Variants in C13orf42 observed in about 807,000 individuals in gnomAD.
C13orf42 encodes chromosome 13 open reading frame 42.
chr13:51,092,582 T>C (rs1358460273), intron 1 of C13orf42, among the ~76,000 whole-genome samples: 1 of 152,094 alleles, frequency 6.6e-6, no homozygotes, highest in Middle Eastern at 3.2e-3. Context: ...AGCAATTCTC[T>C]ATTAGTGAAT....
At chr13:51,096,303 C>T (rs1953234061) in intron 1 of C13orf42, among the ~76,000 whole-genome samples, 1 of 152,118 alleles carries the variant, frequency 6.6e-6, no homozygotes, top group South Asian at 2.1e-4. Context: ...TGGTGAGAGA[C>T]AAGAGGGCAT....
At chr13:51,139,287 C>T (rs1031670011) in intron 1 of C13orf42, among the ~76,000 whole-genome samples, 2 of 152,036 alleles carry the variant, frequency 1.3e-5, no homozygotes, top group Non-Finnish European at 2.9e-5. Context: ...TGTACTCCAG[C>T]CTGGGCAATG....
chr13:51,110,313 T>C (rs1430039386), intron 1 of C13orf42, among the ~76,000 whole-genome samples: 7 of 152,200 alleles, frequency 4.6e-5, no homozygotes, highest in Non-Finnish European at 8.8e-5. Flanking sequence ...ATCTCACCTA[T>C]AACACTGGGA....
chr13:51,097,914 G>GT (rs1191246178), intron 1 of C13orf42, among the ~76,000 whole-genome samples: 7 of 152,116 alleles, frequency 4.6e-5, no homozygotes, highest in Non-Finnish European at 1.0e-4. Flanking sequence ...AAGAGAATCT[G>GT]TATCTTATTG....
chr13:51,101,342 T>C (rs1372312911), intron 1 of C13orf42, among the ~76,000 whole-genome samples: 1 of 152,226 alleles, frequency 6.6e-6, no homozygotes, highest in Admixed American at 6.5e-5. Flanking sequence ...TTCTTCCCTA[T>C]ACTTTTCTGT....
At chr13:51,121,350 T>C (rs1235777472) in intron 1 of C13orf42, among the ~76,000 whole-genome samples, 4 of 152,014 alleles carry the variant, frequency 2.6e-5, no homozygotes, top group African/African-American at 9.7e-5. Flanking sequence ...TTGAGAAAAA[T>C]GATACCTGGG....
chr13:51,123,821 TC>T (rs1050298344), intron 1 of C13orf42, among the ~76,000 whole-genome samples: 59 of 152,204 alleles, frequency 3.9e-4, no homozygotes, highest in African/African-American at 1.4e-3. Context: ...ACTGAGCCCA[TC>T]TTGCTTCTAA....
chr13:51,143,454 A>AATAAAGGTT (rs56321669), intron 1 of C13orf42, among the ~76,000 whole-genome samples: 92,932 of 151,216 alleles, frequency 0.61, 28,831 homozygotes, highest in African/African-American at 0.7. Context: ...CCAACTCCTT[A>AATAAAGGTT]ATAAAGGTTA....
At chr13:51,151,650 G>A (rs755265683) in intron 1 of C13orf42, among the ~76,000 whole-genome samples, 6 of 152,220 alleles carry the variant, frequency 3.9e-5, no homozygotes, top group Non-Finnish European at 8.8e-5. Flanking sequence ...ACATAGTCCA[G>A]TAGGGAGAGA....
At chr13:51,162,096 CG>C in intron 1 of C13orf42, 1 of 329,838 alleles carries the variant, frequency 3.0e-6, no homozygotes, top group Admixed American at 3.3e-5. Flanking sequence ...TTTGGAAGTT[CG>C]TGTGCATAAG....
At chr13:51,170,369 T>C (rs1485745062) in intron 1 of C13orf42, among the ~76,000 whole-genome samples, 1 of 152,160 alleles carries the variant, frequency 6.6e-6, no homozygotes, top group Non-Finnish European at 1.5e-5. Context: ...CAATCCCCTG[T>C]CCTCCTGCTC....
intron 1 of C13orf42, among the ~76,000 whole-genome samples, chr13:51,127,084 T>A (rs761938571): frequency 9.2e-5 from 14 of 152,062 alleles, no homozygotes; most frequent in Admixed American, 3.9e-4. Context: ...GGAGGATTAC[T>A]TGAGCCAGGG....
Position 51,111,152 on chromosome 13 carries a change from C to A in C13orf42, c.58G>T (p.Glu20Ter). The change falls in exon 1 of 4, where the codon GAG (glutamate) becomes TAG (stop). Residue 20 changes from glutamate to a stop codon, truncating the protein, a stop_gained. Coordinates refer to ENST00000563710, the MANE Select transcript of C13orf42 (RefSeq NM_001351589.3). LOFTEE classifies it high-confidence loss of function. The stretch of plus-strand genomic sequence containing the variant: ...CTGGCTCCTTCGTAGAAGGGGCTCT[C>A]GGCCGCCGTCTTTCTCTGTGGGCTG... ...NSSPQRKTAA[E>*]SPFYEGASPA... The A allele has an allele frequency of 2.5e-6, 1 of 398,610 alleles. No homozygotes were observed. Among genetic ancestry groups the A allele is most frequent in the Non-Finnish European group, 4.4e-6 (1 of 226,068 alleles). The allele number at this position is 398,610 out of a possible 1,614,324, so 24.7% of individuals were successfully genotyped here.
chr13:51,160,334 C>T (rs1363203452), intron 1 of C13orf42, among the ~76,000 whole-genome samples: 1 of 152,154 alleles, frequency 6.6e-6, no homozygotes, highest in Non-Finnish European at 1.5e-5. Context: ...CATGGTGAAA[C>T]CCCATTTCTA....
chr13:51,167,919 C>CA (rs1953914546), intron 1 of C13orf42, among the ~76,000 whole-genome samples: 1 of 152,172 alleles, frequency 6.6e-6, no homozygotes, highest in Admixed American at 6.5e-5. Flanking sequence ...TCTGTATGCT[C>CA]AGAGAATCTT....
At chr13:51,135,652 CA>C (rs34030293) in intron 1 of C13orf42, among the ~76,000 whole-genome samples, 29,788 of 139,776 alleles carry the variant, frequency 0.21, 3,318 homozygotes, top group African/African-American at 0.33. Context: ...GACCCTGTCC[CA>C]AAAAAAAAAA....
At chr13:51,150,184 G>T (rs1394827109) in intron 1 of C13orf42, among the ~76,000 whole-genome samples, 1 of 152,344 alleles carries the variant, frequency 6.6e-6, no homozygotes, top group East Asian at 1.9e-4. Flanking sequence ...TTCATTTACT[G>T]TGGTGTCGTT....
rs1953781079 is a variant in C13orf42 at position 51,151,932 on chromosome 13, T to C, written n.136+20321A>G. On this transcript the variant is annotated intron_variant and non_coding_transcript_variant, in intron 1 of 4. Coordinates refer to the C13orf42 transcript ENST00000433280. ...TGTCCAGGCTGGTCTAGACCCTTGA[T>C]CCTCAAAGTATGGTCCAGGAGTCAC... is the stretch of plus-strand genomic sequence containing the variant. Among the ~76,000 whole-genome samples, 2 of 152,146 alleles carry C rather than the reference T, an allele frequency of 1.3e-5. 1 individual carries two copies. Among genetic ancestry groups the C allele is most frequent in the South Asian group, 4.1e-4 (2 of 4,824 alleles).
intron 1 of C13orf42, among the ~76,000 whole-genome samples, chr13:51,169,561 T>C (rs1953929644): frequency 1.3e-5 from 2 of 152,176 alleles, no homozygotes; most frequent in Non-Finnish European, 2.9e-5. Flanking sequence ...GCCCCTCCCA[T>C]CCCAGGCCTG....
Sources: allele counts gnomAD v4.1 joint callset (sites outside exome capture counted in the v4.1 genomes callset), GRCh38; gene constraint gnomAD v4.1.1; transcripts MANE v1.5; gene names NCBI Gene and HGNC (gene_info 2026-07-23, HGNC 2026-07-21).